Variants in CHL1 observed in about 807,000 individuals in gnomAD.
CHL1 encodes cell adhesion molecule L1 like, also known as neural cell adhesion molecule L1-like protein.
A neutral mutation model predicts 141.9 loss-of-function variants in CHL1; 96 were observed. That is an observed-to-expected ratio of 0.68 (90% CI 0.57 to 0.80). The LOEUF (loss-of-function observed/expected upper bound fraction) is 0.80, where lower values mean the gene tolerates loss of function less well. Ranked by LOEUF, CHL1 falls within the 30% of genes least tolerant of loss-of-function variation. The pLI is 0.00. For missense variants in CHL1, 1,820 were observed against 1,457.2 expected, an observed-to-expected ratio of 1.25 and a Z score of -4.05; for synonymous variants, 613 against 502.2, an observed-to-expected ratio of 1.22 and a Z score of -2.95.
At chr3:245,764 G>A (rs1178070499) in intron 2 of CHL1, among the ~76,000 whole-genome samples, 2 of 152,046 alleles carry the variant, frequency 1.3e-5, no homozygotes, top group Non-Finnish European at 2.9e-5. Context: ...AGCATACCTG[G>A]TTCCTGGTAA....
intron 4 of CHL1, among the ~76,000 whole-genome samples, chr3:327,120 C>G (rs138897381): frequency 2.3e-3 from 344 of 151,918 alleles, no homozygotes; most frequent in Non-Finnish European, 2.8e-3. Flanking sequence ...ATATAAGACA[C>G]ACAGAGAGAA....
chr3:272,093 T>A (rs1420900842), intron 2 of CHL1, among the ~76,000 whole-genome samples: 1 of 152,216 alleles, frequency 6.6e-6, no homozygotes, highest in African/African-American at 2.4e-5. Flanking sequence ...ATATAGATAA[T>A]CTTACCAGTT....
intron 1 of CHL1, among the ~76,000 whole-genome samples, chr3:224,305 G>C (rs73815906): frequency 0.037 from 5,557 of 152,228 alleles, 329 homozygotes; most frequent in African/African-American, 0.13. Context: ...GCTTGGAGTT[G>C]AGAAGCAAGA....
intron 5 of CHL1, among the ~76,000 whole-genome samples, chr3:337,167 A>G (rs1701931037): frequency 6.9e-6 from 1 of 145,284 alleles, no homozygotes; most frequent in African/African-American, 2.5e-5. Context: ...TTATAATGGG[A>G]TTTCCAAACA....
chr3:320,945 A>G (rs1700515872), intron 3 of CHL1, among the ~76,000 whole-genome samples: 2 of 152,164 alleles, frequency 1.3e-5, no homozygotes, highest in South Asian at 4.1e-4. Flanking sequence ...TTAGCATTGC[A>G]GGTGATATTT....
chr3:218,830 G>A (rs1370281088), intron 1 of CHL1, among the ~76,000 whole-genome samples: 5 of 152,202 alleles, frequency 3.3e-5, no homozygotes, highest in Middle Eastern at 3.4e-3. Flanking sequence ...ATTTCGCACC[G>A]GTCAGAATGG....
At chr3:383,005 T>G (rs1707249639) in intron 18 of CHL1, among the ~76,000 whole-genome samples, 1 of 152,222 alleles carries the variant, frequency 6.6e-6, no homozygotes, top group Admixed American at 6.5e-5. Context: ...CATTATTAAT[T>G]TTTATGCATT....
At chr3:265,172 G>A (rs183000294) in intron 2 of CHL1, among the ~76,000 whole-genome samples, 2 of 152,302 alleles carry the variant, frequency 1.3e-5, no homozygotes, top group Admixed American at 1.3e-4. Flanking sequence ...GGGTTCCAGA[G>A]ACAAACTGCT....
At chr3:310,059 T>G (rs573877433) in intron 2 of CHL1, among the ~76,000 whole-genome samples, 1 of 152,210 alleles carries the variant, frequency 6.6e-6, no homozygotes, top group Non-Finnish European at 1.5e-5. Context: ...AATGTTGATA[T>G]ATATGTGAAA....
chr3:388,280 G>T (rs181253766), intron 19 of CHL1, among the ~76,000 whole-genome samples: 4 of 152,328 alleles, frequency 2.6e-5, no homozygotes, highest in Non-Finnish European at 5.9e-5. Context: ...GGGTGCTGTG[G>T]CCCATGCCTA....
chr3:294,393 C>T (rs1464211144), intron 2 of CHL1, among the ~76,000 whole-genome samples: 2 of 152,108 alleles, frequency 1.3e-5, no homozygotes, highest in Non-Finnish European at 2.9e-5. Context: ...ATTGAGTTAA[C>T]GAGGAAGGTA....
chr3:231,200 G>T lies in CHL1; in HGVS notation c.-174-13413G>T, dbSNP rs138075020. Among the ~76,000 whole-genome samples, 533 of 152,250 alleles carry T rather than the reference G, an allele frequency of 3.5e-3. 3 individuals carry two copies. Among genetic ancestry groups the T allele is most frequent in the African/African-American group, 0.012 (496 of 41,548 alleles). On this transcript the variant is annotated intron_variant, in intron 1 of 27. Coordinates refer to ENST00000256509, the MANE Select transcript of CHL1 (RefSeq NM_006614.4). The stretch of plus-strand genomic sequence containing the variant: ...AATTCCCTGGGAGGAGAAAGACAAT[G>T]CATACTGGAGATATGAACACTTTTC...
intron 1 of CHL1, among the ~76,000 whole-genome samples, chr3:235,238 C>G (rs1385371839): frequency 1.3e-5 from 2 of 151,900 alleles, no homozygotes; most frequent in African/African-American, 4.8e-5. Flanking sequence ...TGTACTGATG[C>G]TGCGATAACA....
At chr3:273,615 C>A (rs73815826) in intron 2 of CHL1, among the ~76,000 whole-genome samples, 2,606 of 152,066 alleles carry the variant, frequency 0.017, 65 homozygotes, top group African/African-American at 0.059. Flanking sequence ...CTGTGCAAGG[C>A]CAAATGTAAA....
At chr3:296,856 A>T (rs1698232285) in intron 2 of CHL1, among the ~76,000 whole-genome samples, 1 of 152,202 alleles carries the variant, frequency 6.6e-6, no homozygotes, top group East Asian at 1.9e-4. Flanking sequence ...GTTGGAATAT[A>T]TGTGCATGTA....
chr3:357,006 C>T (rs977939139), intron 11 of CHL1, among the ~76,000 whole-genome samples: 2 of 152,150 alleles, frequency 1.3e-5, no homozygotes, highest in East Asian at 1.9e-4. Flanking sequence ...AGAGGCTCTG[C>T]GCTCAGGGCT....
rs750925623 is a variant in CHL1, at chr3:354,635, T to C, written c.1034-5T>C. 3.1e-6 allele frequency: 5 copies of C among 1,610,394 alleles called. No individual in the cohort carries two copies. Among genetic ancestry groups the C allele is most frequent in the Non-Finnish European group, 4.2e-6 (5 of 1,178,548 alleles). On this transcript the variant is annotated splice_polypyrimidine_tract_variant and splice_region_variant and intron_variant, in intron 10 of 27. Transcript: ENST00000256509. ...TCTCTCATGAGCTCTTCACTTTACA[T>C]CCAGAGCCTCCTCGCTGGACAAAGA...
At chr3:279,674 C>T (rs1023382427) in intron 2 of CHL1, among the ~76,000 whole-genome samples, 1 of 152,074 alleles carries the variant, frequency 6.6e-6, no homozygotes, top group African/African-American at 2.4e-5. Context: ...CTGCTATTCT[C>T]AAAGGATAGT....
chr3:289,443 G>C (rs1697462951), intron 2 of CHL1, among the ~76,000 whole-genome samples: 2 of 152,088 alleles, frequency 1.3e-5, no homozygotes. Context: ...CACAATATGA[G>C]AGCAATTATA....
Sources: gnomAD v4.1 joint callset for allele counts (sites outside exome capture counted in the v4.1 genomes callset) on GRCh38, gnomAD v4.1.1 for gene constraint, MANE v1.5 for transcripts, NCBI Gene and HGNC (gene_info 2026-07-23, HGNC 2026-07-21) for gene names.